Variants in ADCY2 observed in about 807,000 individuals in gnomAD.
The protein encoded by ADCY2 is adenylate cyclase type 2.
Under a neutral mutation model 125.2 loss-of-function variants are expected in ADCY2, and 31 were observed. The ratio of observed to expected loss-of-function variants is 0.25; its 90% CI spans 0.19 to 0.33. The LOEUF is 0.33. ADCY2 is among the 10% of genes least tolerant of loss of function. The pLI is 1.00. For missense variants in ADCY2, 904 were observed against 1,418.2 expected (o/e 0.64, Z 5.82); for synonymous variants, 512 against 548.4 (o/e 0.93, Z 0.93).
chr5:7,405,599 C>A (rs1165280672), intron 1 of ADCY2, among the ~76,000 whole-genome samples: 1 of 152,174 alleles, frequency 6.6e-6, no homozygotes, highest in African/African-American at 2.4e-5. Context: ...AGGAAAGGGA[C>A]AAGCCCTACT....
intron 3 of ADCY2, among the ~76,000 whole-genome samples, chr5:7,551,344 C>T (rs931153038): frequency 3.9e-5 from 6 of 152,002 alleles, no homozygotes; most frequent in African/African-American, 9.7e-5. Context: ...TCCTGACAAT[C>T]GATAAAGTTA....
At chr5:7,752,673 T>C (rs1157162186) in intron 15 of ADCY2, among the ~76,000 whole-genome samples, 4 of 150,768 alleles carry the variant, frequency 2.7e-5, no homozygotes, top group African/African-American at 7.3e-5. Flanking sequence ...ACCAGTTGTT[T>C]CCATTGCAAG....
At chr5:7,475,952 A>G (rs567128061) in intron 2 of ADCY2, among the ~76,000 whole-genome samples, 38 of 152,328 alleles carry the variant, frequency 2.5e-4, no homozygotes, top group African/African-American at 8.9e-4. Context: ...CTCATATGTG[A>G]GTAATGTACT....
intron 2 of ADCY2, among the ~76,000 whole-genome samples, chr5:7,467,872 A>G (rs945959835): frequency 6.6e-6 from 1 of 152,228 alleles, no homozygotes; most frequent in East Asian, 1.9e-4. Context: ...GTTAAATGAT[A>G]GTGCAAATTG....
chr5:7,682,242 A>G (rs934661705), intron 4 of ADCY2, among the ~76,000 whole-genome samples: 4 of 152,114 alleles, frequency 2.6e-5, no homozygotes, highest in Non-Finnish European at 5.9e-5. Flanking sequence ...TCTGCATGCA[A>G]GTAGAGCAGT....
intron 2 of ADCY2, among the ~76,000 whole-genome samples, chr5:7,452,287 C>G (rs558335519): frequency 1.3e-5 from 2 of 152,282 alleles, no homozygotes; most frequent in East Asian, 3.9e-4. Context: ...TGCATTATAT[C>G]TCTCTGCATG....
chr5:7,439,639 AT>A (rs1306875756), intron 2 of ADCY2, among the ~76,000 whole-genome samples: 1 of 152,170 alleles, frequency 6.6e-6, no homozygotes. Context: ...AACACTTGTA[AT>A]TTATTAAGTT....
intron 3 of ADCY2, among the ~76,000 whole-genome samples, chr5:7,583,254 T>C (rs534370296): frequency 6.6e-6 from 1 of 152,056 alleles, no homozygotes; most frequent in Non-Finnish European, 1.5e-5. Flanking sequence ...CATATTAGGA[T>C]GAAAATTTTC....
At chr5:7,506,079 C>T (rs944282077) in intron 2 of ADCY2, among the ~76,000 whole-genome samples, 2 of 151,522 alleles carry the variant, frequency 1.3e-5, no homozygotes, top group African/African-American at 4.9e-5. Flanking sequence ...TTATTGAGGG[C>T]GTGATCACTT....
chr5:7,693,627 T>G (rs1740791693), intron 5 of ADCY2, among the ~76,000 whole-genome samples: 1 of 152,152 alleles, frequency 6.6e-6, no homozygotes, highest in South Asian at 2.1e-4. Context: ...TTCGCCATGT[T>G]GGCCAGGCTG....
At chr5:7,618,669 T>C (rs1244383675) in intron 3 of ADCY2, among the ~76,000 whole-genome samples, 1 of 152,210 alleles carries the variant, frequency 6.6e-6, no homozygotes, top group Non-Finnish European at 1.5e-5. Context: ...AGAAATGGTG[T>C]TTAAATGAAG....
At chr5:7,723,152 G>A (rs1026216236) in intron 12 of ADCY2, among the ~76,000 whole-genome samples, 13 of 151,964 alleles carry the variant, frequency 8.6e-5, no homozygotes, top group Admixed American at 5.2e-4. Context: ...TTGGAGGGTG[G>A]AGGGTGGGAG....
rs546307379 is a variant in ADCY2 at position 7,724,406 on chromosome 5, G to A, written c.1704-139G>A. On this transcript the variant is annotated intron_variant, in intron 12 of 24. Coordinates refer to ENST00000338316, the MANE Select transcript of ADCY2 (RefSeq NM_020546.3). ...TCCATATCCAGTTAGTTGGCATCACGTGTTTTTTTTTTTTTTTTTAAATGC... is the reference window on the plus strand; with the variant it reads ...TCCATATCCAGTTAGTTGGCATCACATGTTTTTTTTTTTTTTTTTAAATGC... The A allele has an allele frequency of 2.1e-4, 134 of 644,612 alleles. 2 individuals carry two copies. Among genetic ancestry groups the A allele is most frequent in the Admixed American group, 5.4e-4 (17 of 31,574 alleles). The allele number at this position is 644,612 out of a possible 1,614,324, so 39.9% of individuals were successfully genotyped here. A position where few individuals can be genotyped will look rare whatever the true frequency, so the allele number is the denominator to read the frequency against.
chr5:7,567,698 C>CT (rs1247696446), intron 3 of ADCY2, among the ~76,000 whole-genome samples: 3 of 152,196 alleles, frequency 2.0e-5, no homozygotes, highest in South Asian at 4.1e-4. Context: ...TTCCCAATTC[C>CT]TGTTTGGTCT....
intron 3 of ADCY2, among the ~76,000 whole-genome samples, chr5:7,617,492 A>T (rs566203678): frequency 6.6e-6 from 1 of 152,294 alleles, no homozygotes; most frequent in African/African-American, 2.4e-5. Flanking sequence ...TAGTAGTAGT[A>T]GTCATAATCA....
intron 2 of ADCY2, among the ~76,000 whole-genome samples, chr5:7,430,658 G>A (rs916417743): frequency 1.3e-5 from 2 of 151,024 alleles, no homozygotes; most frequent in Non-Finnish European, 2.9e-5. Context: ...CAATTTTCGT[G>A]ATTCACCACC....
rs565200509 is a variant in ADCY2, at chr5:7,655,291, A to G, written c.720+28975A>G. Among the ~76,000 whole-genome samples, 26 of 152,338 alleles carry G rather than the reference A, an allele frequency of 1.7e-4. 2 individuals carry two copies. In the South Asian group the frequency reaches 3.7e-3, roughly 22 times the overall value. On this transcript the variant is annotated intron_variant, in intron 4 of 24. Coordinates refer to ENST00000338316, the MANE Select transcript of ADCY2 (RefSeq NM_020546.3). Reference sequence around the variant, plus strand: ...TATTAGTCAGGGGTCTTTAGAGAACAGAAGCCATAGGATATATACAGGAAG... The same window carrying G: ...TATTAGTCAGGGGTCTTTAGAGAACGGAAGCCATAGGATATATACAGGAAG...
At chr5:7,757,362 T>A in intron 15 of ADCY2, 87 bp from the exon 16 acceptor site, 1 of 1,512,570 alleles carries the variant, frequency 6.6e-7, no homozygotes, top group Non-Finnish European at 9.0e-7. Context: ...TGTTGGTGCT[T>A]CTTGTGGTTG....
intron 3 of ADCY2, among the ~76,000 whole-genome samples, chr5:7,622,899 C>A (rs1478765558): frequency 6.6e-6 from 1 of 152,202 alleles, no homozygotes; most frequent in Non-Finnish European, 1.5e-5. Context: ...CAGGCTGCCC[C>A]AGCGTGGGGG....
Sources: allele counts gnomAD v4.1 joint callset (sites outside exome capture counted in the v4.1 genomes callset), GRCh38; gene constraint gnomAD v4.1.1; transcripts MANE v1.5; gene names NCBI Gene and HGNC (gene_info 2026-07-23, HGNC 2026-07-21).